The following ADHFE1 variants were observed in gnomAD, a reference collection of about 807,000 sequenced individuals.
ADHFE1 encodes hydroxyacid-oxoacid transhydrogenase, mitochondrial.
A neutral mutation model predicts 54.8 loss-of-function variants in ADHFE1; 37 were observed. The ratio of observed to expected loss-of-function variants is 0.68; its 90% CI spans 0.52 to 0.89. ADHFE1 has a LOEUF of 0.89. Among genes scored for constraint, ADHFE1 ranks in the 40% least tolerant of loss-of-function variants. ADHFE1 has a pLI of 0.00. For synonymous variants in ADHFE1, 203 were observed against 229.3 expected (o/e 0.89, Z 1.04); for missense variants, 601 against 591.2 (o/e 1.02, Z -0.17).
chr8:66,440,115 C>CTATTTTCA (rs1211304576), intron 1 of ADHFE1, 47 bp from the exon 2 acceptor site: 1 of 1,591,374 alleles, frequency 6.3e-7, no homozygotes. Context: ...TTTTTGGTCT[C>CTATTTTCA]TATTTTCACC....
chr8:66,439,532 G>A lies in ADHFE1; in HGVS notation c.60-630G>A, dbSNP rs2433593. The A allele has an allele frequency of 0.19, 191,305 of 985,268 alleles. 19,120 individuals are homozygous for A. The highest frequency in any genetic ancestry group is 0.2 in the Non-Finnish European group (169,961 of 829,968). 61.0% of individuals were successfully genotyped at this position (985,268 alleles called of 1,614,324 possible). On this transcript the variant is annotated intron_variant, in intron 1 of 13. Transcript: ENST00000396623. The surrounding 1 kb of genome is among the most constrained non-coding windows in gnomAD (Gnocchi z 4.4). The stretch of plus-strand genomic sequence containing the variant: ...AGTGAGATGCGGTGGCGACCTCGGA[G>A]CGCACCGGGTGTGCGCGCAGCTGGG...
intron 1 of ADHFE1, among the ~76,000 whole-genome samples, chr8:66,437,366 G>T (rs1368387997): frequency 6.6e-6 from 1 of 152,052 alleles, no homozygotes; most frequent in Non-Finnish European, 1.5e-5. Flanking sequence ...TGAGAGTGTG[G>T]CTAAGAGGTA....
chr8:66,439,184 TCAAC>T lies in ADHFE1; in HGVS notation c.60-976_60-973del. 1.0e-6 allele frequency: 1 copy of T among 985,284 alleles called. No homozygotes were observed. Among genetic ancestry groups the T allele is most frequent in the African/African-American group, 1.7e-5 (1 of 57,326 alleles). The allele number at this position is 985,284 out of a possible 1,614,324, so 61.0% of individuals were successfully genotyped here. The stretch of plus-strand genomic sequence containing the variant: ...TTTGAGATCTGGACGGCCACTGAGA[TCAAC>T]CCTTTTCCTTCCTCCCCAACCTTCC... On this transcript the variant is annotated intron_variant, in intron 1 of 13. Transcript: ENST00000396623. This position sits in a 1 kb window ranked among gnomAD's most constrained non-coding sequence, Gnocchi z 4.4.
chr8:66,438,324 T>C (rs542839972), intron 1 of ADHFE1, among the ~76,000 whole-genome samples: 5 of 151,948 alleles, frequency 3.3e-5, no homozygotes, highest in African/African-American at 1.2e-4. Context: ...CATAATGAGC[T>C]CTAAAGGGTG....
At chr8:66,459,327 C>T (rs963525041) in intron 12 of ADHFE1, among the ~76,000 whole-genome samples, 1 of 151,662 alleles carries the variant, frequency 6.6e-6, no homozygotes, top group African/African-American at 2.4e-5. Flanking sequence ...CTTTCTCTGT[C>T]ACCCTGCCTG....
At chr8:66,457,197 G>C in intron 12 of ADHFE1, 31 bp downstream of exon 12, 1 of 1,593,524 alleles carries the variant, frequency 6.3e-7, no homozygotes, top group Non-Finnish European at 8.6e-7. Context: ...TTCTGTGACC[G>C]GCCAGGCACG....
At chr8:66,468,039 G>A (rs781319580) in intron 13 of ADHFE1, among the ~76,000 whole-genome samples, 3 of 152,172 alleles carry the variant, frequency 2.0e-5, no homozygotes, top group African/African-American at 2.4e-5. Context: ...TTGCCAGGGC[G>A]TAAGGCAAGG....
chr8:66,465,377 C>A (rs924862187), intron 13 of ADHFE1, among the ~76,000 whole-genome samples: 1 of 152,162 alleles, frequency 6.6e-6, no homozygotes, highest in African/African-American at 2.4e-5. Context: ...CTCAACAACA[C>A]TTGTTATTTT....
At chr8:66,456,738 C>A in intron 10 of ADHFE1, 79 bp from the exon 11 acceptor site, 1 of 1,070,124 alleles carries the variant, frequency 9.3e-7, no homozygotes. Flanking sequence ...TGACAGGCAT[C>A]CCCATAAGAG....
At chr8:66,459,063 C>G (rs1191219533) in intron 12 of ADHFE1, among the ~76,000 whole-genome samples, 2 of 152,184 alleles carry the variant, frequency 1.3e-5, no homozygotes, top group Non-Finnish European at 2.9e-5. Context: ...TAAGAGTTCT[C>G]ACTGTCATGG....
intron 12 of ADHFE1, among the ~76,000 whole-genome samples, chr8:66,459,207 A>G (rs1418524835): frequency 6.6e-6 from 1 of 152,054 alleles, no homozygotes; most frequent in Non-Finnish European, 1.5e-5. Flanking sequence ...ACTTCATATA[A>G]TGCTACACTC....
intron 13 of ADHFE1, among the ~76,000 whole-genome samples, chr8:66,461,912 G>A (rs182276837): frequency 6.6e-6 from 1 of 152,256 alleles, no homozygotes; most frequent in East Asian, 1.9e-4. Flanking sequence ...AGAGACCCTG[G>A]GCTAACCCAC....
chr8:66,448,331 C>T (rs1009605867), intron 7 of ADHFE1, among the ~76,000 whole-genome samples: 1 of 152,158 alleles, frequency 6.6e-6, no homozygotes, highest in African/African-American at 2.4e-5. Context: ...TTACATTCTA[C>T]CTTACAGTTT....
intron 2 of ADHFE1, among the ~76,000 whole-genome samples, 159 bp downstream of exon 2, chr8:66,440,358 A>G (rs753661925): frequency 2.6e-5 from 4 of 152,264 alleles, no homozygotes; most frequent in Non-Finnish European, 5.9e-5. Context: ...ACGTAACTCT[A>G]TACAAAGTTA....
chr8:66,439,299 G>A lies in ADHFE1; in HGVS notation c.60-863G>A. 1 of 985,502 alleles carries A rather than the reference G, an allele frequency of 1.0e-6. No homozygotes were observed. 61.0% of individuals were successfully genotyped at this position (985,502 alleles called of 1,614,324 possible). A position where few individuals can be genotyped will look rare whatever the true frequency, so the allele number is the denominator to read the frequency against. ...AAGTATCTACCGAGACCCAACCACTGGACAAGGTCTTCTGGGCAACCCAAC... is the reference window on the plus strand; with the variant it reads ...AAGTATCTACCGAGACCCAACCACTAGACAAGGTCTTCTGGGCAACCCAAC... On this transcript the variant is annotated intron_variant, in intron 1 of 13. Coordinates refer to ENST00000396623, the MANE Select transcript of ADHFE1 (RefSeq NM_144650.3). The surrounding 1 kb of genome is among the most constrained non-coding windows in gnomAD (Gnocchi z 4.4).
At position 66,460,401 on chromosome 8, in the gene ADHFE1, G is replaced by A. The variant is rs776986540; in HGVS notation, c.1256G>A (p.Gly419Asp). The stretch of plus-strand genomic sequence containing the variant: ...TTATTCGATCTGGATGTTGATGATG[G>A]CCTAGCAGCTGTTGGTTACTCCAAA... ...KFLFDLDVDD[G>D]LAAVGYSKAD... The change falls in exon 13 of 14, where the codon GGC becomes GAC. Residue 419 changes from glycine to aspartate, a missense_variant. Coordinates refer to ENST00000396623, the MANE Select transcript of ADHFE1 (RefSeq NM_144650.3). 1 of 1,613,720 alleles carries A rather than the reference G, an allele frequency of 6.2e-7. No individual in the cohort carries two copies. Among genetic ancestry groups the A allele is most frequent in the South Asian group, 1.1e-5 (1 of 91,054 alleles).
chr8:66,468,443 G>A lies in ADHFE1; in HGVS notation c.*91G>A. Reference sequence around the variant, plus strand: ...TAGGGCTTTGTCTTTTCATCTTTGCGCATAACTTACCTGTTACCAGTATAG... The same window carrying A: ...TAGGGCTTTGTCTTTTCATCTTTGCACATAACTTACCTGTTACCAGTATAG... On this transcript the variant is annotated 3_prime_UTR_variant, in exon 14 of 14. Coordinates refer to ENST00000396623, the MANE Select transcript of ADHFE1 (RefSeq NM_144650.3). 7.9e-6 allele frequency: 8 copies of A among 1,007,052 alleles called. No individual in the cohort carries two copies. The highest frequency in any genetic ancestry group is 1.0e-5 in the Non-Finnish European group (7 of 697,988). The allele number at this position is 1,007,052 out of a possible 1,614,324, so 62.4% of individuals were successfully genotyped here.
At chr8:66,458,698 G>A (rs201627508) in intron 12 of ADHFE1, among the ~76,000 whole-genome samples, 1 of 151,706 alleles carries the variant, frequency 6.6e-6, no homozygotes, top group Non-Finnish European at 1.5e-5. Context: ...TCTTGAATGG[G>A]AAGTTTTAAT....
At chr8:66,467,068 G>C (rs537604269) in intron 13 of ADHFE1, among the ~76,000 whole-genome samples, 2 of 152,288 alleles carry the variant, frequency 1.3e-5, no homozygotes, top group African/African-American at 2.4e-5. Context: ...ATGACCTCTG[G>C]GGGGCAAGAA....
Sources: gnomAD v4.1 joint callset for allele counts (sites outside exome capture counted in the v4.1 genomes callset) on GRCh38, gnomAD v4.1.1 for gene constraint, Gnocchi (gnomAD v3.1) non-coding constraint, MANE v1.5 for transcripts, NCBI Gene and HGNC (gene_info 2026-07-23, HGNC 2026-07-21) for gene names.